The following CCNI2 variants were observed in gnomAD, a reference collection of about 807,000 sequenced individuals.
CCNI2 encodes cyclin I family member 2.
CCNI2 carries 32 observed loss-of-function variants against 33.2 expected under a neutral mutation model. The observed-to-expected ratio is 0.96, with a 90% CI of 0.73 to 1.30. The LOEUF is 1.30. Ranked by LOEUF, CCNI2 falls within the 50% of genes most tolerant of loss-of-function variation. The pLI is 0.00. For synonymous variants in CCNI2, 231 were observed against 219.9 expected, an observed-to-expected ratio of 1.05 and a Z score of -0.45; for missense variants, 452 against 486.2, an observed-to-expected ratio of 0.93 and a Z score of 0.66.
Position 132,748,331 on chromosome 5 carries a change from CTCT to C in CCNI2, c.430-10_430-8del, listed in dbSNP as rs754965943. The C allele has an allele frequency of 1.7e-5, 27 of 1,613,652 alleles. No homozygotes were observed. Among genetic ancestry groups the C allele is most frequent in the Admixed American group, 5.0e-5 (3 of 59,994 alleles). ...CTAGCGACCTTCCTCGCCCCACCTG[CTCT>C]TCTTCCTAGCAGGATGAAATCTGCG... On this transcript the variant is annotated splice_polypyrimidine_tract_variant and intron_variant, in intron 1 of 5. Transcript: ENST00000378731.
chr5:132,751,969 C>T lies in CCNI2; in HGVS notation c.778C>T (p.His260Tyr), dbSNP rs1754879679. The change falls in exon 5 of 6, where the codon CAT becomes TAT. Residue 260 changes from histidine (H) to tyrosine (Y), a missense_variant. Physicochemically the swap from His to Tyr is moderately conservative, Grantham distance 83. Coordinates refer to ENST00000378731, the MANE Select transcript of CCNI2 (RefSeq NM_001039780.4). ...CATTAAAAACCATGGTCTCCAGTTCCATGCCCTGGTGGTCCTGAGCTGGCC... is the reference window on the plus strand; with the variant it reads ...CATTAAAAACCATGGTCTCCAGTTCTATGCCCTGGTGGTCCTGAGCTGGCC... ...GTPLDFLTIF[H>Y]ALVVLSWPHV... The T allele has an allele frequency of 6.2e-7, 1 of 1,609,672 alleles. No individual in the cohort carries two copies. Among genetic ancestry groups the T allele is most frequent in the Non-Finnish European group, 8.5e-7 (1 of 1,178,138 alleles).
intron 3 of CCNI2, among the ~76,000 whole-genome samples, chr5:132,749,990 T>A (rs181271786): frequency 1.3e-5 from 2 of 152,250 alleles, no homozygotes; most frequent in East Asian, 3.9e-4. Flanking sequence ...TAATACCCTT[T>A]CCAAGCTTTC....
intron 3 of CCNI2, among the ~76,000 whole-genome samples, chr5:132,750,482 T>C (rs778115193): frequency 3.3e-5 from 5 of 152,216 alleles, no homozygotes; most frequent in Non-Finnish European, 5.9e-5. Context: ...CTATGCCCAG[T>C]ACCCACGGTA....
chr5:132,751,036 G>T (rs181420021), intron 4 of CCNI2, 39 bp downstream of exon 4: 4 of 1,603,832 alleles, frequency 2.5e-6, no homozygotes, highest in Non-Finnish European at 3.4e-6. Context: ...CCCTAAACTC[G>T]TTTGTGCCTT....
chr5:132,751,844 T>A, intron 4 of CCNI2, 122 bp from the exon 5 acceptor site: 1 of 1,203,190 alleles, frequency 8.3e-7, no homozygotes, highest in Non-Finnish European at 1.2e-6. Flanking sequence ...TGGATAGGAA[T>A]GAAAAGGGTT....
chr5:132,748,445 C>A lies in CCNI2; in HGVS notation c.528C>A (p.Thr176=), dbSNP rs953588268. The part of the protein sequence containing the change: ...FSQSTFNLAL[T]IFGRLLISVK... ...AGTCCACTTTTAACCTGGCCCTCACCATCTTTGGCCGCCTCCTGATTTCAG... is the reference window on the plus strand; with the variant it reads ...AGTCCACTTTTAACCTGGCCCTCACAATCTTTGGCCGCCTCCTGATTTCAG... Residue 176 remains threonine, a synonymous_variant, in exon 2 of 6, where the codon ACC becomes ACA. Transcript: ENST00000378731. The A allele has an allele frequency of 3.1e-6, 5 of 1,614,068 alleles. No homozygotes were observed. In the African/African-American group the frequency reaches 5.3e-5, roughly 17 times the overall value.
At chr5:132,751,873 C>A in intron 4 of CCNI2, 93 bp from the exon 5 acceptor site, 1 of 1,418,400 alleles carries the variant, frequency 7.1e-7, no homozygotes, top group Non-Finnish European at 9.6e-7. Context: ...TTTGATGTTC[C>A]CTGATGGAAA....
chr5:132,752,588 A>G (rs1426008611), intron 5 of CCNI2, among the ~76,000 whole-genome samples: 1 of 152,172 alleles, frequency 6.6e-6, no homozygotes, highest in Admixed American at 6.5e-5. Context: ...TACCAGGTAC[A>G]GGGGTACCAT....
chr5:132,748,219 G>A, intron 1 of CCNI2, 128 bp from the exon 2 acceptor site: 7 of 1,309,576 alleles, frequency 5.3e-6, no homozygotes, highest in Non-Finnish European at 6.2e-6. Context: ...TACTCCCAGC[G>A]GGCATGCAGA....
chr5:132,749,532 T>A, intron 3 of CCNI2, 110 bp downstream of exon 3: 1 of 895,712 alleles, frequency 1.1e-6, no homozygotes, highest in Non-Finnish European at 1.8e-6. Flanking sequence ...GTGGATGTTT[T>A]GAAAAAGTCA....
rs1181180485 is a variant in CCNI2 at position 132,753,582 on chromosome 5, G to A, written c.*612G>A. 6.5e-6 allele frequency: 1 copy of A among 152,780 alleles called. No homozygotes were observed. The highest frequency in any genetic ancestry group is 1.5e-5 in the Non-Finnish European group (1 of 68,438). 9.5% of individuals were successfully genotyped at this position (152,780 alleles called of 1,614,324 possible). A position where few individuals can be genotyped will look rare whatever the true frequency, so the allele number is the denominator to read the frequency against. ...GATTATAAAGTATGCTTTGTTTAAT[G>A]TAACTTGAGCAAGCTTTAGGCATAT... is the stretch of plus-strand genomic sequence containing the variant. On this transcript the variant is annotated 3_prime_UTR_variant, in exon 6 of 6. Transcript: ENST00000378731.
At position 132,753,206 on chromosome 5, in the gene CCNI2, T is replaced by C; in HGVS notation, c.*236T>C. 2 of 483,938 alleles carry C rather than the reference T, an allele frequency of 4.1e-6. No individual in the cohort carries two copies. Among genetic ancestry groups the C allele is most frequent in the Non-Finnish European group, 3.7e-6 (1 of 268,524 alleles). 30.0% of individuals were successfully genotyped at this position (483,938 alleles called of 1,614,324 possible). On this transcript the variant is annotated 3_prime_UTR_variant, in exon 6 of 6. Coordinates refer to ENST00000378731, the MANE Select transcript of CCNI2 (RefSeq NM_001039780.4). The stretch of plus-strand genomic sequence containing the variant: ...TGATAGACTATGACCCTGTCTTCCC[T>C]TTTTCTCCTCTGGGCCTGAAGCCAG...
At chr5:132,751,323 G>A (rs1754826405) in intron 4 of CCNI2, 1 of 235,448 alleles carries the variant, frequency 4.2e-6, no homozygotes, top group Admixed American at 5.1e-5. Context: ...ATAAATATCT[G>A]TCTGCTTTTG....
chr5:132,747,614 C>T lies in CCNI2; in HGVS notation c.119C>T (p.Pro40Leu). The T allele has an allele frequency of 4.0e-6, 6 of 1,500,374 alleles. No individual in the cohort carries two copies. Among genetic ancestry groups the T allele is most frequent in the Non-Finnish European group, 5.3e-6 (6 of 1,131,132 alleles). The allele number at this position is 1,500,374 out of a possible 1,614,324, so 92.9% of individuals were successfully genotyped here. The part of the protein sequence containing the change: ...LEETALGVPL[P>L]PSPGEAPLPR... The stretch of plus-strand genomic sequence containing the variant: ...GAAACAGCCCTGGGCGTTCCTCTCC[C>T]GCCGTCTCCGGGGGAGGCCCCTCTG... Residue 40 changes from proline to leucine, a missense_variant, in exon 1 of 6, where the codon CCG becomes CTG. Physicochemically the swap from Pro to Leu is moderately conservative, Grantham distance 98. Transcript: ENST00000378731. The surrounding 1 kb of genome is among the most constrained non-coding windows in gnomAD (Gnocchi z 4.1).
chr5:132,752,893 A>C lies in CCNI2; in HGVS notation c.1033A>C (p.Lys345Gln), dbSNP rs558879471. ...QVGDMQYSCCKELVMQQLRSL... is the reference protein window; with the variant it reads ...QVGDMQYSCCQELVMQQLRSL... ...TGGTGATATGCAGTACAGCTGCTGC[A>C]AGGAACTTGTAATGCAGCAACTGAG... The change falls in exon 6 of 6, where the codon AAG becomes CAG. Residue 345 changes from lysine (K) to glutamine (Q), a missense_variant. Transcript: ENST00000378731. 6 of 1,614,134 alleles carry C rather than the reference A, an allele frequency of 3.7e-6. No individual in the cohort carries two copies. The East Asian group carries it at 1.3e-4, about 36-fold the overall frequency.
chr5:132,754,082 AGAGT>A lies in CCNI2; in HGVS notation c.*1113_*1116del. On this transcript the variant is annotated 3_prime_UTR_variant, in exon 6 of 6. Coordinates refer to ENST00000378731, the MANE Select transcript of CCNI2 (RefSeq NM_001039780.4). ...GATATACTATAATTGTCTATATTAT[AGAGT>A]TAGTATACATCTGTATTTTTTCTTG... The A allele has an allele frequency of 4.2e-6, 1 of 237,720 alleles. No individual in the cohort carries two copies. Among genetic ancestry groups the A allele is most frequent in the East Asian group, 9.5e-5 (1 of 10,474 alleles). 14.7% of individuals were successfully genotyped at this position (237,720 alleles called of 1,614,324 possible). A position where few individuals can be genotyped will look rare whatever the true frequency, so the allele number is the denominator to read the frequency against.
rs753218309 is a variant in CCNI2, at chr5:132,747,765, C to A, written c.270C>A (p.Asp90Glu). The change falls in exon 1 of 6, where the codon GAC (aspartate) becomes GAA (glutamate). Residue 90 changes from aspartate to glutamate, a missense_variant. Physicochemically the swap from Asp to Glu is conservative, Grantham distance 45. Coordinates refer to ENST00000378731, the MANE Select transcript of CCNI2 (RefSeq NM_001039780.4). The surrounding 1 kb of genome is among the most constrained non-coding windows in gnomAD (Gnocchi z 4.1). Reference protein sequence around the residue: ...RGTAPAGKTADAVPAAAPEQA... With the variant: ...RGTAPAGKTAEAVPAAAPEQA... The stretch of plus-strand genomic sequence containing the variant: ...CGGCGCCAGCCGGGAAAACCGCAGA[C>A]GCGGTCCCCGCCGCCGCCCCAGAGC... The A allele has an allele frequency of 1.6e-5, 23 of 1,470,038 alleles. No individual in the cohort carries two copies. The highest frequency in any genetic ancestry group is 2.3e-4 in the Middle Eastern group (1 of 4,276). 91.1% of individuals were successfully genotyped at this position (1,470,038 alleles called of 1,614,324 possible). A position where few individuals can be genotyped will look rare whatever the true frequency, so the allele number is the denominator to read the frequency against.
intron 4 of CCNI2, 127 bp downstream of exon 4, chr5:132,751,124 C>T (rs1484020745): frequency 5.8e-6 from 6 of 1,041,338 alleles, no homozygotes; most frequent in East Asian, 2.4e-5. Context: ...AGTGAGGTGA[C>T]GCACAAGGCT....
intron 5 of CCNI2, 103 bp downstream of exon 5, chr5:132,752,299 A>G: frequency 7.6e-7 from 1 of 1,323,654 alleles, no homozygotes. Flanking sequence ...CCTCTGGAAA[A>G]TGTTCTGGCC....
Sources: gnomAD v4.1 joint callset for allele counts (sites outside exome capture counted in the v4.1 genomes callset) on GRCh38, gnomAD v4.1.1 for gene constraint, Gnocchi (gnomAD v3.1) non-coding constraint, MANE v1.5 for transcripts, NCBI Gene and HGNC (gene_info 2026-07-23, HGNC 2026-07-21) for gene names.